Variants in SFT2D1 observed in about 807,000 individuals in gnomAD.
SFT2D1 encodes the protein vesicle transport protein SFT2A.
In SFT2D1, 24 loss-of-function variants were observed where a neutral mutation model predicts 28.1. The ratio of observed to expected loss-of-function variants is 0.85; its 90% CI spans 0.62 to 1.20. The LOEUF is 1.20. SFT2D1 is among the 50% of genes most tolerant of loss of function. The pLI is 0.00. For synonymous variants in SFT2D1, 82 were observed against 73.7 expected (o/e 1.11, Z -0.58); for missense variants, 181 against 190.9 (o/e 0.95, Z 0.31).
chr6:166,340,129 C>T (rs534591180), intron 1 of SFT2D1, among the ~76,000 whole-genome samples: 2 of 152,340 alleles, frequency 1.3e-5, no homozygotes, highest in South Asian at 4.1e-4. Context: ...ACACTCAGAC[C>T]ATTTACAGAA....
At chr6:166,321,442 A>G (rs1778356479) in intron 7 of SFT2D1, among the ~76,000 whole-genome samples, 1 of 152,180 alleles carries the variant, frequency 6.6e-6, no homozygotes, top group Admixed American at 6.5e-5. Context: ...CGCACCAAGA[A>G]GTATTGGAGG....
At chr6:166,334,224 G>T (rs910455093) in intron 1 of SFT2D1, among the ~76,000 whole-genome samples, 3 of 152,186 alleles carry the variant, frequency 2.0e-5, no homozygotes, top group African/African-American at 7.2e-5. Flanking sequence ...AATACTGAGT[G>T]CTGCTATGTG....
chr6:166,326,316 G>GT, intron 4 of SFT2D1, 149 bp from the exon 5 acceptor site: 1 of 698,886 alleles, frequency 1.4e-6, no homozygotes. Flanking sequence ...TGTATTTTCT[G>GT]TAAGTATTAT....
At chr6:166,337,635 T>C (rs1234141920) in intron 1 of SFT2D1, among the ~76,000 whole-genome samples, 2 of 152,044 alleles carry the variant, frequency 1.3e-5, no homozygotes, top group Non-Finnish European at 2.9e-5. Context: ...ATAGATAAGG[T>C]AGGTATACTT....
intron 1 of SFT2D1, among the ~76,000 whole-genome samples, chr6:166,338,157 C>T (rs1224898075): frequency 6.6e-6 from 1 of 152,212 alleles, no homozygotes; most frequent in African/African-American, 2.4e-5. Flanking sequence ...ACTAAGACAT[C>T]TCGCAAATTG....
intron 6 of SFT2D1, chr6:166,324,313 T>C (rs370990076): frequency 2.2e-6 from 1 of 457,324 alleles, no homozygotes; most frequent in Non-Finnish European, 3.9e-6. Context: ...CATATCACTA[T>C]GTAACTCTAC....
intron 7 of SFT2D1, among the ~76,000 whole-genome samples, chr6:166,320,863 C>T (rs533584993): frequency 5.3e-5 from 8 of 152,268 alleles, no homozygotes; most frequent in African/African-American, 1.2e-4. Context: ...AGGTGGCTCA[C>T]GCCTGTAAGG....
At chr6:166,327,730 A>C (rs1281038793) in intron 4 of SFT2D1, among the ~76,000 whole-genome samples, 1 of 152,218 alleles carries the variant, frequency 6.6e-6, no homozygotes, top group Non-Finnish European at 1.5e-5. Flanking sequence ...TACGCAGCAG[A>C]AGCAGGCTTT....
chr6:166,340,603 T>C (rs140284112), intron 1 of SFT2D1, among the ~76,000 whole-genome samples: 39 of 152,328 alleles, frequency 2.6e-4, no homozygotes, highest in African/African-American at 8.9e-4. Context: ...CAGCAGCTCT[T>C]CTGAGCTGTG....
At chr6:166,342,207 G>GA (rs1778796356) in intron 1 of SFT2D1, among the ~76,000 whole-genome samples, 1 of 152,016 alleles carries the variant, frequency 6.6e-6, no homozygotes, top group South Asian at 2.1e-4. Flanking sequence ...AGTCGGGGGG[G>GA]GGCCTCAAAG....
intron 7 of SFT2D1, among the ~76,000 whole-genome samples, chr6:166,320,858 G>A (rs965871744): frequency 6.6e-6 from 1 of 152,296 alleles, no homozygotes; most frequent in East Asian, 1.9e-4. Context: ...AGGCAAGGTG[G>A]CTCACGCCTG....
chr6:166,320,133 C>T lies in SFT2D1; in HGVS notation c.*84G>A. ...TCTTCAACTGTCACGTCAGTTGTTC[C>T]TGGAGTGTTTTATGGGGAAAAGCAA... On this transcript the variant is annotated 3_prime_UTR_variant, in exon 8 of 8. Coordinates refer to ENST00000361731, the MANE Select transcript of SFT2D1 (RefSeq NM_145169.3). The T allele has an allele frequency of 7.7e-7, 1 of 1,302,834 alleles. No homozygotes were observed. The highest frequency in any genetic ancestry group is 1.5e-5 in the African/African-American group (1 of 68,314). The allele number at this position is 1,302,834 out of a possible 1,614,324, so 80.7% of individuals were successfully genotyped here.
intron 6 of SFT2D1, 39 bp from the exon 7 acceptor site, chr6:166,322,925 A>G: frequency 6.3e-7 from 1 of 1,577,208 alleles, no homozygotes; most frequent in South Asian, 1.1e-5. Context: ...CTTCATCTGA[A>G]TGATGGTTTT....
chr6:166,341,473 T>C (rs1032901501), intron 1 of SFT2D1, among the ~76,000 whole-genome samples: 5 of 151,534 alleles, frequency 3.3e-5, no homozygotes, highest in African/African-American at 9.7e-5. Context: ...AAAAAATTCA[T>C]TGGCCACATG....
At chr6:166,329,637 T>C in intron 2 of SFT2D1, 48 bp from the exon 3 acceptor site, 2 of 1,426,156 alleles carry the variant, frequency 1.4e-6, no homozygotes, top group Non-Finnish European at 1.9e-6. Context: ...ATGATTTTAA[T>C]GGTTAAAATA....
intron 5 of SFT2D1, among the ~76,000 whole-genome samples, chr6:166,325,458 T>A (rs1308539736): frequency 6.6e-6 from 1 of 152,214 alleles, no homozygotes; most frequent in South Asian, 2.1e-4. Flanking sequence ...ATTGTAACAA[T>A]GTGACTTCTT....
At position 166,342,499 on chromosome 6, in the gene SFT2D1, G is replaced by T. The variant is rs1367758654; in HGVS notation, c.-18C>A. The stretch of plus-strand genomic sequence containing the variant: ...TTCTCCATGGCCCTGTTACAGGGCC[G>T]TAGCGGCCGCCACTCTGTTGCCTGC... On this transcript the variant is annotated 5_prime_UTR_variant, in exon 1 of 8. Transcript: ENST00000361731. 3.2e-6 allele frequency: 5 copies of T among 1,541,154 alleles called. No homozygotes were observed. Among genetic ancestry groups the T allele is most frequent in the Non-Finnish European group, 4.4e-6 (5 of 1,141,484 alleles).
chr6:166,334,631 G>C (rs111964763), intron 1 of SFT2D1: 205 of 192,650 alleles, frequency 1.1e-3, no homozygotes, highest in African/African-American at 4.5e-3. Flanking sequence ...GCCGACTGTG[G>C]AATCTCGGCA....
At chr6:166,329,669 ACAATAC>A (rs1778514954) in intron 2 of SFT2D1, 80 bp from the exon 3 acceptor site, 1 of 1,100,932 alleles carries the variant, frequency 9.1e-7, no homozygotes, top group Non-Finnish European at 1.3e-6. Flanking sequence ...CTGCAGTAAT[ACAATAC>A]CAATATTATG....
Sources: gnomAD v4.1 joint callset for allele counts (sites outside exome capture counted in the v4.1 genomes callset) on GRCh38, gnomAD v4.1.1 for gene constraint, MANE v1.5 for transcripts, NCBI Gene and HGNC (gene_info 2026-07-23, HGNC 2026-07-21) for gene names.